The following WNK2 variants were observed in gnomAD, a reference collection of about 807,000 sequenced individuals.
The protein encoded by WNK2 is WNK lysine deficient protein kinase 2.
Under a neutral mutation model 192.1 loss-of-function variants are expected in WNK2, and 67 were observed. The ratio of observed to expected loss-of-function variants is 0.35; its 90% CI spans 0.29 to 0.43. WNK2 has a LOEUF of 0.43. WNK2 is among the 20% of genes least tolerant of loss of function. WNK2 has a pLI of 1.00. For synonymous variants in WNK2, 1,439 were observed against 1,393.9 expected (o/e 1.03, Z -0.72); for missense variants, 2,698 against 3,089.7 (o/e 0.87, Z 3.01).
chr9:93,292,782 G>A lies in WNK2; in HGVS notation c.5317G>A (p.Val1773Ile), dbSNP rs539783461. 5.8e-5 allele frequency: 90 copies of A among 1,554,736 alleles called. No individual in the cohort carries two copies. The highest frequency in any genetic ancestry group is 1.2e-4 in the South Asian group (10 of 84,072). Residue 1773 changes from valine to isoleucine, a missense_variant, in exon 23 of 30, where the codon GTC (valine) becomes ATC (isoleucine). Physicochemically the swap from Val to Ile is conservative, Grantham distance 29. This residue lies in a region of WNK2 where 1,098 missense variants were observed against 1,101.0 expected (regional missense o/e 1.00). Coordinates refer to ENST00000427277, the MANE Select transcript of WNK2 (RefSeq NM_006648.4). ...CCTGAGATACTCTGCCCCACCCGACGTCTACCTGGACGAGGCCCCCTCCAG... is the reference window on the plus strand; with the variant it reads ...CCTGAGATACTCTGCCCCACCCGACATCTACCTGGACGAGGCCCCCTCCAG... ...HSLRYSAPPD[V>I]YLDEAPSSPD...
intron 5 of WNK2, among the ~76,000 whole-genome samples, chr9:93,235,879 C>A (rs548602944): frequency 6.6e-6 from 1 of 152,332 alleles, no homozygotes; most frequent in South Asian, 2.1e-4. Flanking sequence ...TCACTCTGAC[C>A]CATCCCTCCA....
chr9:93,218,528 C>G (rs1285062311), intron 2 of WNK2, among the ~76,000 whole-genome samples: 1 of 152,136 alleles, frequency 6.6e-6, no homozygotes, highest in African/African-American at 2.4e-5. Flanking sequence ...GTGGGATGGC[C>G]CCATGGGGAT....
At chr9:93,187,836 G>C (rs962753087) in intron 2 of WNK2, among the ~76,000 whole-genome samples, 9 of 152,222 alleles carry the variant, frequency 5.9e-5, no homozygotes, top group African/African-American at 1.7e-4. Flanking sequence ...GGAAGAGGGT[G>C]GGGTGTAGGG....
rs1216335479 is a variant in WNK2, at chr9:93,293,009, T to A, written c.5544T>A (p.Ser1848=). ...CCACCGCCTTCCTGCAGAGGCCTTC[T>A]CGGGCCGGCTCGCTGGGCCCCGAGA... The part of the protein sequence containing the change: ...KKATAFLQRP[S]RAGSLGPETP... The change falls in exon 23 of 30, where the codon TCT becomes TCA. Residue 1848 remains serine (S), a synonymous_variant. Transcript: ENST00000427277. 6.3e-7 allele frequency: 1 copy of A among 1,593,860 alleles called. No homozygotes were observed. Among genetic ancestry groups the A allele is most frequent in the South Asian group, 1.1e-5 (1 of 89,164 alleles).
Position 93,229,988 on chromosome 9 carries a change from C to T in WNK2, c.854+120C>T. On this transcript the variant is annotated intron_variant, in intron 3 of 29. Transcript: ENST00000427277. This position sits in a 1 kb window ranked among gnomAD's most constrained non-coding sequence, Gnocchi z 4.9. ...GGCTGGTGCCTGTGGGAGGCTGTCT[C>T]CTCTTTCCTCTCCTGCATGGGATGC... 1.5e-5 allele frequency: 18 copies of T among 1,239,814 alleles called. No individual in the cohort carries two copies. Among genetic ancestry groups the T allele is most frequent in the Non-Finnish European group, 2.0e-5 (18 of 905,612 alleles). 76.8% of individuals were successfully genotyped at this position (1,239,814 alleles called of 1,614,324 possible). A position where few individuals can be genotyped will look rare whatever the true frequency, so the allele number is the denominator to read the frequency against.
intron 2 of WNK2, among the ~76,000 whole-genome samples, chr9:93,193,366 C>G (rs898456903): frequency 6.6e-6 from 1 of 152,182 alleles, no homozygotes; most frequent in Admixed American, 6.5e-5. Context: ...TGTGTTTCAC[C>G]TGAGCACACA....
At position 93,268,030 on chromosome 9, in the gene WNK2, A is replaced by G. The variant is rs1845448146; in HGVS notation, c.3878A>G (p.Gln1293Arg). The change falls in exon 18 of 30, where the codon CAA (glutamine) becomes CGA (arginine). Residue 1293 changes from glutamine to arginine, a missense_variant. By Grantham distance (43) the Gln-to-Arg change is conservative. This residue lies in a region of WNK2 where 1,098 missense variants were observed against 1,101.0 expected (regional missense o/e 1.00). Transcript: ENST00000427277. ...CGLGTGEESRQSQANAPVYQQ... is the reference protein window; with the variant it reads ...CGLGTGEESRRSQANAPVYQQ... ...CTCCACCTCATTCAGGAGAGCCGAC[A>G]ATCCCAAGCCAACGCCCCCGTGTAT... The G allele has an allele frequency of 6.2e-7, 1 of 1,612,368 alleles. No homozygotes were observed. Among genetic ancestry groups the G allele is most frequent in the Non-Finnish European group, 8.5e-7 (1 of 1,179,308 alleles).
At chr9:93,258,625 G>A (rs541143415) in intron 11 of WNK2, among the ~76,000 whole-genome samples, 2 of 152,166 alleles carry the variant, frequency 1.3e-5, no homozygotes, top group Non-Finnish European at 2.9e-5. Flanking sequence ...CATGGCTGTC[G>A]TGAGTGTGGA....
chr9:93,184,946 G>A lies in WNK2; in HGVS notation c.17G>A (p.Gly6Asp). 3 of 1,216,392 alleles carry A rather than the reference G, an allele frequency of 2.5e-6. No homozygotes were observed. The highest frequency in any genetic ancestry group is 3.9e-5 in the South Asian group (1 of 25,644). 75.3% of individuals were successfully genotyped at this position (1,216,392 alleles called of 1,614,324 possible). A position where few individuals can be genotyped will look rare whatever the true frequency, so the allele number is the denominator to read the frequency against. ...CCCACAGAGATGGACGGCGATGGCG[G>A]CCGCCGAGACGTCCCCGGCACGCTG... MDGDG[G>D]RRDVPGTLME... The change falls in exon 2 of 30, where the codon GGC becomes GAC. Residue 6 changes from glycine (G) to aspartate (D), a missense_variant. Coordinates refer to ENST00000427277, the MANE Select transcript of WNK2 (RefSeq NM_006648.4).
At chr9:93,284,196 G>A (rs1848126887) in intron 19 of WNK2, among the ~76,000 whole-genome samples, 1 of 152,192 alleles carries the variant, frequency 6.6e-6, no homozygotes, top group Non-Finnish European at 1.5e-5. Flanking sequence ...AAAGAAGCTT[G>A]TTTTATCAAA....
In WNK2 at chr9:93,262,564, G is replaced by C; in HGVS notation, c.3361-106G>C. The C allele has an allele frequency of 3.2e-6, 4 of 1,262,170 alleles. No homozygotes were observed. The African/African-American group carries it at 4.4e-5, about 14-fold the overall frequency. 78.2% of individuals were successfully genotyped at this position (1,262,170 alleles called of 1,614,324 possible). A position where few individuals can be genotyped will look rare whatever the true frequency, so the allele number is the denominator to read the frequency against. On this transcript the variant is annotated intron_variant, in intron 13 of 29. Coordinates refer to ENST00000427277, the MANE Select transcript of WNK2 (RefSeq NM_006648.4). ...AGAGCAGGAGAACGCAGCGGGGCAG[G>C]CTGGGCTGAGGAAGTGGGGAGGGAG...
intron 20 of WNK2, 29 bp downstream of exon 20, chr9:93,289,649 T>C (rs2133812749): frequency 7.0e-7 from 1 of 1,420,516 alleles, no homozygotes; most frequent in South Asian, 1.5e-5. Context: ...CCAGAGACAC[T>C]GCCCTGGGTC....
At chr9:93,312,410 C>T (rs572715708) in intron 28 of WNK2, among the ~76,000 whole-genome samples, 1 of 152,116 alleles carries the variant, frequency 6.6e-6, no homozygotes, top group South Asian at 2.1e-4. Context: ...GTGTCTCACT[C>T]TGTCGCCAGG....
chr9:93,235,070 G>A (rs1285644532), intron 5 of WNK2, 105 bp downstream of exon 5: 1 of 1,414,426 alleles, frequency 7.1e-7, no homozygotes. Context: ...TGGCAGCTGT[G>A]TAAGGAGCTT....
intron 26 of WNK2, among the ~76,000 whole-genome samples, chr9:93,301,954 C>G (rs1851686275): frequency 6.6e-6 from 1 of 152,220 alleles, no homozygotes; most frequent in African/African-American, 2.4e-5. Flanking sequence ...AGGTGGGCCT[C>G]TGCCCTGGGC....
chr9:93,270,783 T>A (rs1267978056), intron 19 of WNK2, among the ~76,000 whole-genome samples: 1 of 152,032 alleles, frequency 6.6e-6, no homozygotes, highest in Non-Finnish European at 1.5e-5. Flanking sequence ...GAGCAGCAGG[T>A]AACAGGAACA....
chr9:93,185,248 GC>G lies in WNK2; in HGVS notation c.324del (p.Gly109GlufsTer43). On this transcript the variant is annotated frameshift_variant, in exon 2 of 30. Transcript: ENST00000427277. LOFTEE classifies it high-confidence loss of function. ...CGCAGCGCTGGTAGCGCAGCCGGGA[GC>G]CCCCGGAGCCCCCGCGGACGCCGGC... Reference protein sequence around the residue: ...APAALVAQPGAPGAPADAGPE... With the variant: ...APAALVAQPGXPGAPADAGPE... The G allele has an allele frequency of 4.9e-6, 6 of 1,232,682 alleles. No homozygotes were observed. The highest frequency in any genetic ancestry group is 6.6e-5 in the South Asian group (2 of 30,088). The allele number at this position is 1,232,682 out of a possible 1,614,324, so 76.4% of individuals were successfully genotyped here.
At chr9:93,319,831 G>A (rs1390813716) in intron 29 of WNK2, among the ~76,000 whole-genome samples, 3 of 152,194 alleles carry the variant, frequency 2.0e-5, no homozygotes, top group Non-Finnish European at 4.4e-5. Flanking sequence ...GGGACTCAGC[G>A]CATGGTGGCA....
At position 93,263,421 on chromosome 9, in the gene WNK2, G is replaced by T. The variant is rs545247958; in HGVS notation, c.3411-145G>T. Reference sequence around the variant, plus strand: ...GTGAGGGCCCAGAAGCAGGCTTGGGGTATTCGCACAGGACGGGCTGCCTCT... The same window carrying T: ...GTGAGGGCCCAGAAGCAGGCTTGGGTTATTCGCACAGGACGGGCTGCCTCT... On this transcript the variant is annotated intron_variant, in intron 14 of 29. Coordinates refer to ENST00000427277, the MANE Select transcript of WNK2 (RefSeq NM_006648.4). 1.3e-5 allele frequency: 12 copies of T among 898,932 alleles called. No individual in the cohort carries two copies. In the South Asian group the frequency reaches 1.7e-4, roughly 13 times the overall value. The allele number at this position is 898,932 out of a possible 1,614,324, so 55.7% of individuals were successfully genotyped here. A position where few individuals can be genotyped will look rare whatever the true frequency, so the allele number is the denominator to read the frequency against.
Sources: gnomAD v4.1 joint callset for allele counts (sites outside exome capture counted in the v4.1 genomes callset) on GRCh38, gnomAD v4.1.1 for gene constraint, gnomAD v4.1.1 regional missense constraint, Gnocchi (gnomAD v3.1) non-coding constraint, MANE v1.5 for transcripts, NCBI Gene and HGNC (gene_info 2026-07-23, HGNC 2026-07-21) for gene names.